The following TTN variants were observed in gnomAD, a reference collection of about 807,000 sequenced individuals.
The protein encoded by TTN is titin, also known as connectin.
A neutral mutation model predicts 3,223.0 loss-of-function variants in TTN; 1,525 were observed. The observed-to-expected ratio is 0.47, with a 90% confidence interval of 0.45 to 0.49. TTN has a LOEUF of 0.49. Ranked by LOEUF, TTN falls within the 20% of genes least tolerant of loss-of-function variation. The pLI, the probability that TTN is intolerant of heterozygous loss-of-function variation, is 0.00. For missense variants in TTN, 40,786 were observed against 43,424.0 expected (o/e 0.94, Z 5.40); for synonymous variants, 14,094 against 15,161.0 (o/e 0.93, Z 5.17).
chr2:178,667,481 C>T lies in TTN; in HGVS notation c.35674G>A (p.Val11892Met). 1.3e-6 allele frequency: 2 copies of T among 1,599,682 alleles called. No homozygotes were observed. The highest frequency in any genetic ancestry group is 2.7e-5 in the African/African-American group (2 of 74,994). Residue 11892 changes from valine (V) to methionine (M), a missense_variant, in exon 161 of 363, where the codon GTG (valine) becomes ATG (methionine). Val to Met is a conservative substitution (Grantham distance 21). Transcript: ENST00000589042. Reference sequence around the variant, plus strand: ...GTTTCTCTCTTTTTAGGAATAGTCACATATATTTTGTCTTCTGGAACAACT... The same window carrying T: ...GTTTCTCTCTTTTTAGGAATAGTCATATATATTTTGTCTTCTGGAACAACT... ...KKVVPEDKIY[V>M]TIPKKRETPA...
At chr2:178,651,990 T>G (rs769830630) in intron 204 of TTN, 23 bp from the exon 205 acceptor site, 1 of 1,611,138 alleles carries the variant, frequency 6.2e-7, no homozygotes, top group South Asian at 1.1e-5. Context: ...GAGCTCATTT[T>G]AATGCCAGAA....
Position 178,678,448 on chromosome 2 carries a change from A to T in TTN, c.33876T>A (p.Pro11292=). Residue 11292 remains proline, a synonymous_variant, in exon 144 of 363, where the codon CCT becomes CCA. Transcript: ENST00000589042. The part of the protein sequence containing the change: ...KPVPEKKVPV[P]APKKVEAPPA... The stretch of plus-strand genomic sequence containing the variant: ...GTGGAGCCTCCACTTTCTTAGGAGC[A>T]GGAACTGGCACCTTCTTCTCAGGCA... The T allele has an allele frequency of 6.3e-7, 1 of 1,596,868 alleles. No individual in the cohort carries two copies. The highest frequency in any genetic ancestry group is 8.5e-7 in the Non-Finnish European group (1 of 1,171,750).
chr2:178,745,842 T>TA lies in TTN; in HGVS notation c.11312-3922dup, dbSNP rs774235399. 5.6e-6 allele frequency: 9 copies of TA among 1,613,142 alleles called. No individual in the cohort carries two copies. The South Asian group carries it at 9.9e-5, about 18-fold the overall frequency. On this transcript the variant is annotated intron_variant, in intron 47 of 362. Transcript: ENST00000589042. ...CCTATTGGTGCATAACAGTCAGAAATACCTTTGATAAACCTGGGAGGCCCT... is the reference window on the plus strand; with the variant it reads ...CCTATTGGTGCATAACAGTCAGAAATAACCTTTGATAAACCTGGGAGGCCCT...
intron 47 of TTN, chr2:178,745,820 A>G: frequency 6.2e-7 from 1 of 1,613,260 alleles, no homozygotes. Flanking sequence ...TGCTGTACCT[A>G]TTGGTGCATA....
rs1707149968 is a variant in TTN, at chr2:178,569,079, G to A, written c.77053C>T (p.Leu25685Phe). Residue 25685 changes from leucine (L) to phenylalanine (F), a missense_variant, in exon 326 of 363, where the codon CTT (leucine) becomes TTT (phenylalanine). Transcript: ENST00000589042. ...VTAENEYGIG[L>F]PAQTADPIKV... ...ATTGGATCAGCAGTCTGGGCAGGAA[G>A]GCCAATACCATACTCATTCTCAGCT... The A allele has an allele frequency of 2.5e-6, 4 of 1,613,242 alleles. No homozygotes were observed. The highest frequency in any genetic ancestry group is 2.7e-5 in the African/African-American group (2 of 74,878).
At chr2:178,611,336 G>A (rs1470830299) in intron 269 of TTN, 36 bp downstream of exon 269, 2 of 1,610,686 alleles carry the variant, frequency 1.2e-6, no homozygotes, top group Non-Finnish European at 1.7e-6. Context: ...TGAATAAAGG[G>A]TATTTTATTA....
chr2:178,756,920 G>T, intron 45 of TTN, 123 bp from the exon 46 acceptor site: 1 of 852,034 alleles, frequency 1.2e-6, no homozygotes, highest in Non-Finnish European at 1.8e-6. Context: ...TCACTTGAAA[G>T]CAGCATGCCA....
chr2:178,750,675 GT>G, intron 47 of TTN: 1 of 1,612,634 alleles, frequency 6.2e-7, no homozygotes, highest in Non-Finnish European at 8.5e-7. Context: ...GCAGAGAGTT[GT>G]AATTCTCTCA....
Position 178,563,110 on chromosome 2 carries a change from T to A in TTN, c.83022A>T (p.Glu27674Asp). The A allele has an allele frequency of 6.2e-7, 1 of 1,613,710 alleles. No homozygotes were observed. Among genetic ancestry groups the A allele is most frequent in the Non-Finnish European group, 8.5e-7 (1 of 1,179,718 alleles). Residue 27674 changes from glutamate to aspartate, a missense_variant, in exon 326 of 363, where the codon GAA becomes GAT. Physicochemically the swap from Glu to Asp is conservative, Grantham distance 45. Transcript: ENST00000589042. This position sits in a 1 kb window ranked among gnomAD's most constrained non-coding sequence, Gnocchi z 4.5. Reference protein sequence around the residue: ...VVAQERIEPPEIELDADLRKV... With the variant: ...VVAQERIEPPDIELDADLRKV... ...TTCTGAGATCAGCATCGAGTTCTAT[T>A]TCTGGTGGCTCTATCCTCTCCTGAG...
chr2:178,734,004 T>C lies in TTN; in HGVS notation c.15497-112A>G, dbSNP rs1327794262. ...ATTTATCTTGTCCCAATACTACTAT[T>C]TCATAGTGTTAATTAGAAGAAGAAA... On this transcript the variant is annotated intron_variant, in intron 52 of 362. Coordinates refer to ENST00000589042, the MANE Select transcript of TTN (RefSeq NM_001267550.2). The C allele has an allele frequency of 7.7e-6, 8 of 1,044,742 alleles. No individual in the cohort carries two copies. In the South Asian group the frequency reaches 1.3e-4, roughly 17 times the overall value. 64.7% of individuals were successfully genotyped at this position (1,044,742 alleles called of 1,614,324 possible). A position where few individuals can be genotyped will look rare whatever the true frequency, so the allele number is the denominator to read the frequency against.
In TTN at chr2:178,729,732, C is replaced by A; in HGVS notation, c.18521G>T (p.Gly6174Val). 7 of 1,613,694 alleles carry A rather than the reference C, an allele frequency of 4.3e-6. No individual in the cohort carries two copies. The highest frequency in any genetic ancestry group is 5.9e-6 in the Non-Finnish European group (7 of 1,179,712). Residue 6174 changes from glycine (G) to valine (V), a missense_variant, in exon 63 of 363, where the codon GGG becomes GTG. Physicochemically the swap from Gly to Val is moderately radical, Grantham distance 109 (BLOSUM62 -3). Transcript: ENST00000589042. ...ATTTCGAGCTTCACACACATAAGTC[C>A]CACTATTTTCTACCCTGGCACCAGA... ...QISGARVENS[G>V]TYVCEARNDA...
chr2:178,749,541 A>G (rs1343230632), intron 47 of TTN: 1 of 1,612,948 alleles, frequency 6.2e-7, no homozygotes, highest in South Asian at 1.1e-5. Context: ...GGATAATCAT[A>G]AAAATGTGCC....
chr2:178,652,673 G>C lies in TTN; in HGVS notation c.39023C>G (p.Pro13008Arg). The change falls in exon 201 of 363, where the codon CCT becomes CGT. Residue 13008 changes from proline to arginine, a missense_variant. Coordinates refer to ENST00000589042, the MANE Select transcript of TTN (RefSeq NM_001267550.2). ...KKVPSAPPKK[P>R]EVPPVKVPEA... ...AATACCTTTAACAGGTGGGACTTCA[G>C]GCTTTTTAGGAGGAGCCGAGGGCAC... The C allele has an allele frequency of 6.2e-7, 1 of 1,613,458 alleles. No homozygotes were observed. The highest frequency in any genetic ancestry group is 1.7e-5 in the Admixed American group (1 of 59,976).
At chr2:178,724,686 T>C (rs1230005624) in intron 71 of TTN, 148 bp from the exon 72 acceptor site, 13 of 695,196 alleles carry the variant, frequency 1.9e-5, no homozygotes, top group Middle Eastern at 7.4e-4. Flanking sequence ...CATAATTACA[T>C]GCAGTCATAG....
At position 178,757,702 on chromosome 2, in the gene TTN, T is replaced by C; in HGVS notation, c.10518A>G (p.Leu3506=). 1 of 1,613,866 alleles carries C rather than the reference T, an allele frequency of 6.2e-7. No homozygotes were observed. Among genetic ancestry groups the C allele is most frequent in the South Asian group, 1.1e-5 (1 of 91,078 alleles). The change falls in exon 45 of 363, where the codon CTA becomes CTG. Residue 3506 remains leucine (L), a synonymous_variant. Transcript: ENST00000589042. ...IQWFHNQQLI[L]PTKDVVFHFE... ...AATGGAAAACTACATCTTTTGTTGG[T>C]AGAATTAGCTGCTGGTTATGAAACC...
Position 178,622,009 on chromosome 2 carries a change from C to G in TTN, c.44914-1G>C. The G allele has an allele frequency of 6.2e-7, 1 of 1,600,708 alleles. No homozygotes were observed. The highest frequency in any genetic ancestry group is 8.5e-7 in the Non-Finnish European group (1 of 1,172,948). Reference sequence around the variant, plus strand: ...CAGCACCATCTTTAAACCACTTAACCTATATTTAAGATAAATAGATTATCA... The same window carrying G: ...CAGCACCATCTTTAAACCACTTAACGTATATTTAAGATAAATAGATTATCA... On this transcript the variant is annotated splice_acceptor_variant, in intron 243 of 362. Coordinates refer to ENST00000589042, the MANE Select transcript of TTN (RefSeq NM_001267550.2). LOFTEE classifies it high-confidence loss of function.
chr2:178,613,249 T>C lies in TTN; in HGVS notation c.49560A>G (p.Lys16520=). 6.2e-7 allele frequency: 1 copy of C among 1,610,728 alleles called. No individual in the cohort carries two copies. Among genetic ancestry groups the C allele is most frequent in the Non-Finnish European group, 8.5e-7 (1 of 1,178,620 alleles). ...TTTCAGCCAACACACGGAATCTGTA[T>C]TTTTTCTTATTAGTGAGACCTTTCA... The part of the protein sequence containing the change: ...YRVKGLTNKK[K]YRFRVLAENL... The change falls in exon 264 of 363, where the codon AAA becomes AAG. Residue 16520 remains lysine, a synonymous_variant. Coordinates refer to ENST00000589042, the MANE Select transcript of TTN (RefSeq NM_001267550.2).
chr2:178,685,270 T>G lies in TTN; in HGVS notation c.32453A>C (p.Glu10818Ala), dbSNP rs370013230. The G allele has an allele frequency of 6.5e-7, 1 of 1,550,128 alleles. No individual in the cohort carries two copies. Among genetic ancestry groups the G allele is most frequent in the African/African-American group, 1.4e-5 (1 of 72,914 alleles). The change falls in exon 129 of 363, where the codon GAG becomes GCG. Residue 10818 changes from glutamate to alanine, a missense_variant. Physicochemically the swap from Glu to Ala is moderately radical, Grantham distance 107. Transcript: ENST00000589042. ...AATCATACCTTTAGCCGGTGGAGGC[T>G]CCTCTATTTTAGCAGGAATTTTTGG... ...LKPKIPAKIE[E>A]PPPAKVPEAP...
In TTN at chr2:178,604,153, G is replaced by C; in HGVS notation, c.54534C>G (p.Arg18178=). ...GPPGKPKVLA[R]TKGSMLVSWT... is the part of the protein sequence containing the mutation. The stretch of plus-strand genomic sequence containing the variant: ...AGCTCACTAGCATTGATCCTTTGGT[G>C]CGTGCCAAAACTTTTGGTTTTCCTG... Residue 18178 remains arginine, a synonymous_variant, in exon 282 of 363, where the codon CGC becomes CGG. Coordinates refer to ENST00000589042, the MANE Select transcript of TTN (RefSeq NM_001267550.2). 1.9e-6 allele frequency: 3 copies of C among 1,612,294 alleles called. No individual in the cohort carries two copies. The highest frequency in any genetic ancestry group is 2.5e-6 in the Non-Finnish European group (3 of 1,178,942).
Sources: gnomAD v4.1 joint callset for allele counts on GRCh38, gnomAD v4.1.1 for gene constraint, Gnocchi (gnomAD v3.1) non-coding constraint, MANE v1.5 for transcripts, NCBI Gene and HGNC (gene_info 2026-07-23, HGNC 2026-07-21) for gene names.